Variants in EBF1 observed in about 807,000 individuals in gnomAD.
EBF1 encodes EBF transcription factor 1.
Under a neutral mutation model 68.4 loss-of-function variants are expected in EBF1, and 10 were observed. The observed-to-expected ratio is 0.15, with a 90% confidence interval of 0.09 to 0.25. The LOEUF is 0.25. EBF1 is among the 10% of genes least tolerant of loss of function. The pLI, the probability that EBF1 is intolerant of heterozygous loss-of-function variation, is 1.00. For missense variants in EBF1, 509 were observed against 794.4 expected, an observed-to-expected ratio of 0.64 and a Z score of 4.32; for synonymous variants, 298 against 299.8, an observed-to-expected ratio of 0.99 and a Z score of 0.06.
At chr5:158,986,604 A>G (rs1270320907) in intron 6 of EBF1, 1 of 152,248 alleles carries the variant, frequency 6.6e-6, no homozygotes, top group Admixed American at 6.5e-5. Context: ...CATCAAATTC[A>G]AATTCTTAAA....
intron 8 of EBF1, among the ~76,000 whole-genome samples, chr5:158,805,676 T>C (rs944419538): frequency 6.6e-6 from 1 of 152,092 alleles, no homozygotes; most frequent in African/African-American, 2.4e-5. Context: ...TCTCTTCCTA[T>C]TGAATTCTAG....
At chr5:158,721,904 T>C (rs1011161757) in intron 11 of EBF1, among the ~76,000 whole-genome samples, 10 of 141,760 alleles carry the variant, frequency 7.1e-5, no homozygotes, top group Admixed American at 3.5e-4. Context: ...TTCCCCTCCC[T>C]TTTTTTTTTT....
intron 5 of EBF1, among the ~76,000 whole-genome samples, chr5:159,074,513 T>C (rs770488287): frequency 6.6e-6 from 1 of 152,180 alleles, no homozygotes; most frequent in African/African-American, 2.4e-5. Flanking sequence ...CAGAGAGAGA[T>C]ACACACATAC....
Position 158,714,097 on chromosome 5 carries a change from T to C in EBF1, c.1191+20A>G. The C allele has an allele frequency of 1.2e-6, 2 of 1,613,964 alleles. No homozygotes were observed. The highest frequency in any genetic ancestry group is 1.7e-6 in the Non-Finnish European group (2 of 1,179,788). On this transcript the variant is annotated intron_variant, in intron 12 of 15. Transcript: ENST00000313708. Reference sequence around the variant, plus strand: ...ATTGCATGTGGCAGTCCACACAGGCTAGACACCCACAGCGCTCACCTGGTT... The same window carrying C: ...ATTGCATGTGGCAGTCCACACAGGCCAGACACCCACAGCGCTCACCTGGTT...
Position 158,893,190 on chromosome 5 carries a change from C to T in EBF1, c.555-53080G>A, listed in dbSNP as rs192238227. Reference sequence around the variant, plus strand: ...TGTTTTAAGAGAAATGAATGGCTTGCTCAACCATCAGTTCCAAATTTATAT... The same window carrying T: ...TGTTTTAAGAGAAATGAATGGCTTGTTCAACCATCAGTTCCAAATTTATAT... On this transcript the variant is annotated intron_variant, in intron 6 of 15. Coordinates refer to ENST00000313708, the MANE Select transcript of EBF1 (RefSeq NM_024007.5). Among the ~76,000 whole-genome samples the T allele has an allele frequency of 2.9e-4, 44 of 152,298 alleles. No homozygotes were observed. In the East Asian group the frequency reaches 7.9e-3, roughly 27 times the overall value.
intron 15 of EBF1, among the ~76,000 whole-genome samples, chr5:158,707,245 A>G (rs943348711): frequency 2.0e-5 from 3 of 152,218 alleles, no homozygotes; most frequent in African/African-American, 7.2e-5. Context: ...CTAAGCTCAT[A>G]AGAAAAATGT....
At chr5:158,990,259 C>A (rs1441667673) in intron 6 of EBF1, among the ~76,000 whole-genome samples, 1 of 152,210 alleles carries the variant, frequency 6.6e-6, no homozygotes, top group African/African-American at 2.4e-5. Flanking sequence ...CCAGGGAAAC[C>A]AGCCTCTGGG....
At chr5:159,052,824 C>T (rs560332907) in intron 6 of EBF1, among the ~76,000 whole-genome samples, 1 of 152,312 alleles carries the variant, frequency 6.6e-6, no homozygotes, top group East Asian at 1.9e-4. Context: ...TTCCGTGTTC[C>T]TGCCCTTAGC....
rs1774251812 is a variant in EBF1 at position 159,053,734 on chromosome 5, C to A, written c.554+19662G>T. 2.6e-5 allele frequency among the ~76,000 whole-genome samples: 4 copies of A among 152,106 alleles called. No homozygotes were observed. The South Asian group carries it at 8.3e-4, about 32-fold the overall frequency. ...GCAGACACAAAATGAGTATATGTAC[C>A]CCGGAATAAAAGGAACATAATTACC... On this transcript the variant is annotated intron_variant, in intron 6 of 15. Coordinates refer to ENST00000313708, the MANE Select transcript of EBF1 (RefSeq NM_024007.5).
At chr5:158,770,349 C>T (rs1773622962) in intron 10 of EBF1, among the ~76,000 whole-genome samples, 3 of 152,120 alleles carry the variant, frequency 2.0e-5, no homozygotes, top group South Asian at 2.1e-4. Flanking sequence ...CTTTCCCAGA[C>T]TACTGCAATG....
At chr5:158,824,074 G>A (rs1785473447) in intron 7 of EBF1, among the ~76,000 whole-genome samples, 1 of 152,172 alleles carries the variant, frequency 6.6e-6, no homozygotes, top group Non-Finnish European at 1.5e-5. Flanking sequence ...AAAACAATGA[G>A]AAGAAATGAC....
Position 158,696,019 on chromosome 5 carries a change from C to A in EBF1, c.*3092G>T. 1.0e-5 allele frequency: 2 copies of A among 194,910 alleles called. No homozygotes were observed. Among genetic ancestry groups the A allele is most frequent in the Non-Finnish European group, 2.1e-5 (2 of 94,130 alleles). The allele number at this position is 194,910 out of a possible 1,614,324, so 12.1% of individuals were successfully genotyped here. A position where few individuals can be genotyped will look rare whatever the true frequency, so the allele number is the denominator to read the frequency against. On this transcript the variant is annotated 3_prime_UTR_variant, in exon 16 of 16. Coordinates refer to ENST00000313708, the MANE Select transcript of EBF1 (RefSeq NM_024007.5). ...AAAAAAAAAAATTTAACAATCTCTA[C>A]AGTAGTTAGGTTCTCTAACAATTGA...
At chr5:158,817,056 T>C (rs537860287) in intron 8 of EBF1, among the ~76,000 whole-genome samples, 4 of 152,180 alleles carry the variant, frequency 2.6e-5, no homozygotes, top group Non-Finnish European at 5.9e-5. Flanking sequence ...CACTTCGCAA[T>C]TGCCACCAAG....
intron 6 of EBF1, among the ~76,000 whole-genome samples, chr5:159,049,704 T>G (rs1319819724): frequency 2.0e-5 from 3 of 152,222 alleles, no homozygotes; most frequent in Non-Finnish European, 4.4e-5. Context: ...GTTAAGATAG[T>G]TGGTTCTTCA....
chr5:158,914,624 A>G (rs1806752254), intron 6 of EBF1, among the ~76,000 whole-genome samples: 1 of 152,038 alleles, frequency 6.6e-6, no homozygotes, highest in South Asian at 2.1e-4. Flanking sequence ...GGAGGGGGGG[A>G]AATGCCCAGG....
chr5:158,956,678 A>G (rs775483021), intron 6 of EBF1, among the ~76,000 whole-genome samples: 1 of 152,076 alleles, frequency 6.6e-6, no homozygotes, highest in Admixed American at 6.5e-5. Flanking sequence ...AAAGGTTCCA[A>G]TGGAATTAAC....
chr5:158,835,476 A>T (rs1190995332), intron 7 of EBF1, among the ~76,000 whole-genome samples: 1 of 152,244 alleles, frequency 6.6e-6, no homozygotes, highest in African/African-American at 2.4e-5. Context: ...TACCCTCTGC[A>T]TGATGAACTT....
chr5:158,868,956 C>T (rs1796398255), intron 6 of EBF1, among the ~76,000 whole-genome samples: 1 of 152,182 alleles, frequency 6.6e-6, no homozygotes, highest in Non-Finnish European at 1.5e-5. Context: ...TTCATGTTCT[C>T]TTGACAAAGC....
At chr5:158,875,684 A>C (rs1797687410) in intron 6 of EBF1, among the ~76,000 whole-genome samples, 1 of 152,210 alleles carries the variant, frequency 6.6e-6, no homozygotes, top group Admixed American at 6.5e-5. Flanking sequence ...AAATTATATG[A>C]ATTCACGTCT....
Sources: allele counts gnomAD v4.1 joint callset (sites outside exome capture counted in the v4.1 genomes callset), GRCh38; gene constraint gnomAD v4.1.1; transcripts MANE v1.5; gene names NCBI Gene and HGNC (gene_info 2026-07-23, HGNC 2026-07-21).